Variants in LRRC20 observed in about 807,000 individuals in gnomAD.
LRRC20 encodes leucine rich repeat containing 20, also known as leucine-rich repeat-containing protein 20.
In LRRC20, 11 loss-of-function variants were observed where a neutral mutation model predicts 14.4. The observed-to-expected ratio is 0.77, with a 90% CI of 0.48 to 1.27. LRRC20 has a LOEUF of 1.27. Ranked by LOEUF, LRRC20 falls within the 50% of genes most tolerant of loss-of-function variation. The pLI is 0.00. For synonymous variants in LRRC20, 121 were observed against 107.3 expected (o/e 1.13, Z -0.79); for missense variants, 219 against 251.2 (o/e 0.87, Z 0.87).
intron 3 of LRRC20, among the ~76,000 whole-genome samples, chr10:70,335,725 C>T (rs1311480383): frequency 6.6e-6 from 1 of 152,220 alleles, no homozygotes; most frequent in Non-Finnish European, 1.5e-5. Flanking sequence ...CAGTCCCTAA[C>T]AACACACCAT....
At chr10:70,305,370 T>C (rs530635975) in intron 4 of LRRC20, among the ~76,000 whole-genome samples, 2 of 152,272 alleles carry the variant, frequency 1.3e-5, no homozygotes, top group East Asian at 3.9e-4. Flanking sequence ...TGGGTATATA[T>C]GTGATGTATA....
rs572587214 is a variant in LRRC20, at chr10:70,374,165, C to T, written c.82+2287G>A. Among the ~76,000 whole-genome samples the T allele has an allele frequency of 2.0e-5, 3 of 152,290 alleles. No individual in the cohort carries two copies. The East Asian group carries it at 5.8e-4, about 29-fold the overall frequency. On this transcript the variant is annotated intron_variant, in intron 2 of 4. Transcript: ENST00000446961. ...CCTCTCCTCCAACTCAGGCACACCC[C>T]TGCCACTGCCTGGAGTGCCTGTCTC...
intron 3 of LRRC20, among the ~76,000 whole-genome samples, chr10:70,330,207 T>C (rs1241863733): frequency 6.6e-6 from 1 of 152,238 alleles, no homozygotes; most frequent in East Asian, 1.9e-4. Context: ...AAAAGTTTGA[T>C]AGAATTCTCC....
At chr10:70,371,591 G>T (rs1015915777) in intron 2 of LRRC20, among the ~76,000 whole-genome samples, 2 of 152,094 alleles carry the variant, frequency 1.3e-5, no homozygotes, top group Non-Finnish European at 2.9e-5. Flanking sequence ...GGTGGGGTCA[G>T]ACTAAGGCCC....
At chr10:70,381,530 G>A (rs1032028690) in intron 1 of LRRC20, 9 of 152,256 alleles carry the variant, frequency 5.9e-5, no homozygotes, top group Non-Finnish European at 8.8e-5. Context: ...CTCTGCAAAG[G>A]AGCCGCTGCG....
intron 2 of LRRC20, among the ~76,000 whole-genome samples, chr10:70,372,608 AT>A (rs1208184914): frequency 3.5e-4 from 53 of 151,666 alleles, no homozygotes; most frequent in Admixed American, 2.0e-3. Context: ...CGCCCGGCTA[AT>A]TTTTTTGTAT....
At chr10:70,349,303 C>T (rs1471025733) in intron 2 of LRRC20, among the ~76,000 whole-genome samples, 4 of 152,316 alleles carry the variant, frequency 2.6e-5, no homozygotes, top group Admixed American at 2.0e-4. Context: ...CAGGGCTGGG[C>T]ATGGTGGCTC....
chr10:70,312,929 G>A (rs1160346614), intron 4 of LRRC20, among the ~76,000 whole-genome samples: 2 of 152,166 alleles, frequency 1.3e-5, no homozygotes, highest in Non-Finnish European at 2.9e-5. Flanking sequence ...CCTTAAGTAT[G>A]AGCTGCAGGG....
chr10:70,378,471 C>T (rs1193272070), intron 1 of LRRC20, among the ~76,000 whole-genome samples: 9 of 144,704 alleles, frequency 6.2e-5, no homozygotes, highest in African/African-American at 1.6e-4. Context: ...GGTAAAACTC[C>T]GTCTCTACTA....
chr10:70,360,375 C>T (rs1164068357), intron 2 of LRRC20, among the ~76,000 whole-genome samples: 1 of 151,496 alleles, frequency 6.6e-6, no homozygotes, highest in Non-Finnish European at 1.5e-5. Flanking sequence ...CCTCCTCCTC[C>T]TCCTCCTCCC....
At chr10:70,366,915 C>G (rs577999735) in intron 2 of LRRC20, among the ~76,000 whole-genome samples, 88 of 152,244 alleles carry the variant, frequency 5.8e-4, no homozygotes, top group African/African-American at 2.0e-3. Flanking sequence ...ATACAAAGGA[C>G]TTGAGTATCC....
chr10:70,382,239 G>A (rs1844733025), intron 1 of LRRC20, among the ~76,000 whole-genome samples: 1 of 152,232 alleles, frequency 6.6e-6, no homozygotes, highest in Non-Finnish European at 1.5e-5. Context: ...AGGCCCGCCT[G>A]GGAGCGGTTC....
At chr10:70,314,462 A>G (rs2136910170) in intron 4 of LRRC20, among the ~76,000 whole-genome samples, 1 of 152,294 alleles carries the variant, frequency 6.6e-6, no homozygotes, top group Non-Finnish European at 1.5e-5. Context: ...TGTGATTATT[A>G]AACTCTTTCT....
intron 2 of LRRC20, among the ~76,000 whole-genome samples, chr10:70,347,888 C>A (rs1371641460): frequency 1.3e-5 from 2 of 152,024 alleles, no homozygotes; most frequent in African/African-American, 4.8e-5. Context: ...TCTGCGGCTT[C>A]ATCTGGCCAA....
intron 1 of LRRC20, among the ~76,000 whole-genome samples, chr10:70,380,085 C>T (rs1844651425): frequency 6.6e-6 from 1 of 152,156 alleles, no homozygotes; most frequent in Non-Finnish European, 1.5e-5. Flanking sequence ...ATCCACAGCC[C>T]AGGGGTTGAG....
chr10:70,371,110 G>T (rs1023516801), intron 2 of LRRC20, among the ~76,000 whole-genome samples: 36 of 151,584 alleles, frequency 2.4e-4, no homozygotes, highest in African/African-American at 8.0e-4. Context: ...AGAAGCAAAA[G>T]ATTTATTGGA....
At chr10:70,374,004 G>T (rs1273840119) in intron 2 of LRRC20, among the ~76,000 whole-genome samples, 2 of 152,176 alleles carry the variant, frequency 1.3e-5, no homozygotes, top group African/African-American at 4.8e-5. Context: ...CTGTCCACTG[G>T]CCCACTTGAC....
At chr10:70,378,746 T>G (rs1230473896) in intron 1 of LRRC20, among the ~76,000 whole-genome samples, 1 of 128,892 alleles carries the variant, frequency 7.8e-6, no homozygotes, top group African/African-American at 3.0e-5. Flanking sequence ...CACTCCAGCC[T>G]GGGCAACAAA....
At chr10:70,369,057 C>T (rs1844151862) in intron 2 of LRRC20, among the ~76,000 whole-genome samples, 1 of 152,202 alleles carries the variant, frequency 6.6e-6, no homozygotes, top group South Asian at 2.1e-4. Context: ...TGGGGGCTGT[C>T]CCCATTGTTT....
Sources: gnomAD v4.1 joint callset for allele counts (sites outside exome capture counted in the v4.1 genomes callset) on GRCh38, gnomAD v4.1.1 for gene constraint, MANE v1.5 for transcripts, NCBI Gene and HGNC (gene_info 2026-07-23, HGNC 2026-07-21) for gene names.